The following CACNA1A variants were observed in gnomAD, a reference collection of about 807,000 sequenced individuals.
The protein encoded by CACNA1A is voltage-dependent P/Q-type calcium channel subunit alpha-1A.
Under a neutral mutation model 262.4 loss-of-function variants are expected in CACNA1A, and 57 were observed. That is an observed-to-expected ratio of 0.22 (90% CI 0.18 to 0.27). The LOEUF (loss-of-function observed/expected upper bound fraction) is 0.27, where lower values mean the gene tolerates loss of function less well. CACNA1A is among the 10% of genes least tolerant of loss of function. The pLI is 1.00. For synonymous variants in CACNA1A, 1,431 were observed against 1,419.3 expected, an observed-to-expected ratio of 1.01 and a Z score of -0.18; for missense variants, 2,526 against 3,562.8, an observed-to-expected ratio of 0.71 and a Z score of 7.41.
chr19:13,376,790 CATAT>C (rs900115992), intron 3 of CACNA1A, among the ~76,000 whole-genome samples: 1 of 107,082 alleles, frequency 9.3e-6, no homozygotes, highest in South Asian at 2.7e-4. Context: ...ATATATGTGA[CATAT>C]ATACACATAA....
intron 6 of CACNA1A, among the ~76,000 whole-genome samples, chr19:13,350,051 T>G (rs370003640): frequency 1.3e-5 from 2 of 152,154 alleles, no homozygotes; most frequent in South Asian, 4.1e-4. Flanking sequence ...TAGAAGTGAG[T>G]TGGACCTCAC....
Position 13,506,299 on chromosome 19 carries a change from G to T in CACNA1A, c.-75C>A, listed in dbSNP as rs1983038721. ...AGACGCCGCCGCCGCCGCCGCCGCCGCTGATGCTGAGGCTGCCGGGGCTGG... is the reference window on the plus strand; with the variant it reads ...AGACGCCGCCGCCGCCGCCGCCGCCTCTGATGCTGAGGCTGCCGGGGCTGG... On this transcript the variant is annotated 5_prime_UTR_variant, in exon 1 of 47. Transcript: ENST00000360228. 1 of 1,308,478 alleles carries T rather than the reference G, an allele frequency of 7.6e-7. No homozygotes were observed. The highest frequency in any genetic ancestry group is 2.9e-5 in the East Asian group (1 of 34,070). The allele number at this position is 1,308,478 out of a possible 1,614,324, so 81.1% of individuals were successfully genotyped here.
intron 19 of CACNA1A, among the ~76,000 whole-genome samples, chr19:13,297,782 G>C (rs2057694670): frequency 6.6e-6 from 1 of 152,126 alleles, no homozygotes; most frequent in Non-Finnish European, 1.5e-5. Context: ...CTGCACTCCA[G>C]CCTGGGCAAC....
chr19:13,220,879 G>A (rs1377019292), intron 38 of CACNA1A, among the ~76,000 whole-genome samples: 1 of 152,012 alleles, frequency 6.6e-6, no homozygotes, highest in African/African-American at 2.4e-5. Flanking sequence ...TCCTGCCTTG[G>A]CTTCCCAAAG....
In CACNA1A at chr19:13,346,650, A is replaced by T. The variant is rs1568557486; in HGVS notation, c.979-10741T>A. On this transcript the variant is annotated intron_variant, in intron 6 of 46. Transcript: ENST00000360228. ...TATATATATATATATATATATATAT[A>T]TATATATATATATATATTTTTTTTT... 1.9e-3 allele frequency among the ~76,000 whole-genome samples: 11 copies of T among 5,642 alleles called. 1 individual carries two copies. The highest frequency in any genetic ancestry group is 4.7e-3 in the African/African-American group (6 of 1,270). 3.7% of individuals were successfully genotyped at this position (5,642 alleles called of 152,430 possible). A position where few individuals can be genotyped will look rare whatever the true frequency, so the allele number is the denominator to read the frequency against.
At chr19:13,351,822 A>T (rs993465) in intron 6 of CACNA1A, among the ~76,000 whole-genome samples, 40,022 of 151,436 alleles carry the variant, frequency 0.26, 6,886 homozygotes, top group African/African-American at 0.48. Flanking sequence ...AAAAAAAAAA[A>T]TTTTTTTAAG....
At chr19:13,323,242 GA>G (rs2145080978) in intron 10 of CACNA1A, among the ~76,000 whole-genome samples, 1 of 152,202 alleles carries the variant, frequency 6.6e-6, no homozygotes, top group African/African-American at 2.4e-5. Flanking sequence ...TTGGGTGACA[GA>G]GTGAGACTCC....
Position 13,299,125 on chromosome 19 carries a change from GTTGGTGTTGTT to G in CACNA1A, c.2497_2507del (p.Asn833GlnfsTer230). On this transcript the variant is annotated frameshift_variant, in exon 19 of 47. Transcript: ENST00000360228. LOFTEE classifies it high-confidence loss of function. ...CGGTGGGCTCGGCCGCCCGGCTCTT[GTTGGTGTTGTT>G]GTTGCGGTTCTCCTGCGGGTCCACC... 6.2e-7 allele frequency: 1 copy of G among 1,613,100 alleles called. No individual in the cohort carries two copies. Among genetic ancestry groups the G allele is most frequent in the East Asian group, 2.2e-5 (1 of 44,866 alleles).
Position 13,334,512 on chromosome 19 carries a change from G to C in CACNA1A, c.1083-19C>G, listed in dbSNP as rs1600357821. ...AAACTCCCTGGAGAAGCATAGAAAA[G>C]CCAGAGTATGGCTGTTTTGAAAATG... On this transcript the variant is annotated intron_variant, in intron 7 of 46. Transcript: ENST00000360228. The C allele has an allele frequency of 1.5e-6, 2 of 1,322,364 alleles. No homozygotes were observed. The highest frequency in any genetic ancestry group is 2.3e-5 in the South Asian group (2 of 85,196). The allele number at this position is 1,322,364 out of a possible 1,614,324, so 81.9% of individuals were successfully genotyped here. A position where few individuals can be genotyped will look rare whatever the true frequency, so the allele number is the denominator to read the frequency against.
intron 12 of CACNA1A, among the ~76,000 whole-genome samples, chr19:13,310,361 G>A (rs113435358): frequency 2.7e-5 from 4 of 147,202 alleles, no homozygotes; most frequent in African/African-American, 7.5e-5. Flanking sequence ...AGGCTGAGGC[G>A]GGAGAATGGC....
At chr19:13,330,110 C>T (rs929060203) in intron 10 of CACNA1A, 134 bp downstream of exon 10, 26 of 619,086 alleles carry the variant, frequency 4.2e-5, no homozygotes, top group African/African-American at 1.7e-4. Flanking sequence ...CCAGGACACA[C>T]GCACAGGTGG....
chr19:13,212,082 G>A lies in CACNA1A; in HGVS notation c.6303+21C>T. On this transcript the variant is annotated intron_variant, in intron 43 of 46. Coordinates refer to ENST00000360228, the MANE Select transcript of CACNA1A (RefSeq NM_001127222.2). The surrounding 1 kb of genome is among the most constrained non-coding windows in gnomAD (Gnocchi z 5.6). ...TGCAGAGTGAGGGGTCCAGCCCCAG[G>A]GCAGTGGTGAAAGCCCTCACCTGGT... 6.4e-7 allele frequency: 1 copy of A among 1,557,272 alleles called. No homozygotes were observed.
At position 13,224,041 on chromosome 19, in the gene CACNA1A, G is replaced by T. The variant is rs555058648; in HGVS notation, c.5731+626C>A. ...AATTAGGTTGGGCATGGTGGCTCAC[G>T]CCTGTAATCCAGCACTTTGAGAGGT... On this transcript the variant is annotated intron_variant, in intron 38 of 46. Coordinates refer to ENST00000360228, the MANE Select transcript of CACNA1A (RefSeq NM_001127222.2). Among the ~76,000 whole-genome samples, 106 of 152,126 alleles carry T rather than the reference G, an allele frequency of 7.0e-4. 1 individual carries two copies. The highest frequency in any genetic ancestry group is 2.4e-3 in the African/African-American group (101 of 41,496).
At position 13,330,264 on chromosome 19, in the gene CACNA1A, AGCT is replaced by A; in HGVS notation, c.1322_1324del (p.Gln441del). 1 of 1,559,228 alleles carries A rather than the reference AGCT, an allele frequency of 6.4e-7. No homozygotes were observed. Among genetic ancestry groups the A allele is most frequent in the Non-Finnish European group, 8.7e-7 (1 of 1,150,582 alleles). ...CTCACCCACAGAGGCTATATCAGCCAGCTGATCCTCAGCCTCTTCGGGGTTGAG... is the reference window on the plus strand; with the variant it reads ...CTCACCCACAGAGGCTATATCAGCCAGATCCTCAGCCTCTTCGGGGTTGAG... On this transcript the variant is annotated inframe_deletion, in exon 10 of 47. Transcript: ENST00000360228.
chr19:13,486,392 CTG>C (rs1286203716), intron 1 of CACNA1A, among the ~76,000 whole-genome samples: 2 of 79,092 alleles, frequency 2.5e-5, no homozygotes, highest in Non-Finnish European at 4.6e-5. Context: ...CTCTGTCTGT[CTG>C]TCTCTCTCTC....
chr19:13,248,735 C>T (rs1215102438), intron 30 of CACNA1A, among the ~76,000 whole-genome samples: 5 of 151,514 alleles, frequency 3.3e-5, no homozygotes, highest in Admixed American at 6.6e-5. Flanking sequence ...CCCAACTAGT[C>T]GGGAGGCTGA....
At position 13,227,511 on chromosome 19, in the gene CACNA1A, G is replaced by A; in HGVS notation, c.5545C>T (p.Leu1849=). 2 of 1,588,622 alleles carry A rather than the reference G, an allele frequency of 1.3e-6. No individual in the cohort carries two copies. The highest frequency in any genetic ancestry group is 1.8e-5 in the Admixed American group (1 of 56,804). Residue 1849 remains leucine (L), a synonymous_variant, in exon 37 of 47, where the codon CTG becomes TTG. Transcript: ENST00000360228. ...DPAAWGRMPY[L]DMYQMLRHMS... is the part of the protein sequence containing the mutation. ...TGTCTCAGCATCTGATACATGTCCAGGTAAGGCATGCGGCCCCTGGCAGCA... is the reference window on the plus strand; with the variant it reads ...TGTCTCAGCATCTGATACATGTCCAAGTAAGGCATGCGGCCCCTGGCAGCA...
In CACNA1A at chr19:13,312,749, T is replaced by C. The variant is rs374764234; in HGVS notation, c.1588A>G (p.Met530Val). The C allele has an allele frequency of 5.7e-6, 9 of 1,585,246 alleles. No homozygotes were observed. Among genetic ancestry groups the C allele is most frequent in the African/African-American group, 1.4e-5 (1 of 72,962 alleles). The change falls in exon 12 of 47, where the codon ATG becomes GTG. Residue 530 changes from methionine (M) to valine (V), a missense_variant. This residue lies in a region of CACNA1A where 102 missense variants were observed against 278.9 expected (regional missense o/e 0.37). Coordinates refer to ENST00000360228, the MANE Select transcript of CACNA1A (RefSeq NM_001127222.2). ...TACATTTTTATAAACATTTCGGACA[T>C]AAAGAGTCCTAAGAAAATGAATTCT... is the stretch of plus-strand genomic sequence containing the variant. ...YAEFIFLGLF[M>V]SEMFIKMYGL...
chr19:13,426,909 A>G (rs999700305), intron 3 of CACNA1A, among the ~76,000 whole-genome samples: 1 of 152,114 alleles, frequency 6.6e-6, no homozygotes, highest in Non-Finnish European at 1.5e-5. Flanking sequence ...CCCATTTGCT[A>G]TTTTCTTTGG....
Sources: gnomAD v4.1 joint callset for allele counts (sites outside exome capture counted in the v4.1 genomes callset) on GRCh38, gnomAD v4.1.1 for gene constraint, gnomAD v4.1.1 regional missense constraint, Gnocchi (gnomAD v3.1) non-coding constraint, MANE v1.5 for transcripts, NCBI Gene and HGNC (gene_info 2026-07-23, HGNC 2026-07-21) for gene names.